Variants in NCOA6 observed in about 807,000 individuals in gnomAD.
NCOA6 encodes the protein NRC RAP250.
In NCOA6, 49 loss-of-function variants were observed where a neutral mutation model predicts 171.4. That is an observed-to-expected ratio of 0.29 (90% confidence interval 0.23 to 0.36). NCOA6 has a LOEUF of 0.36. Ranked by LOEUF, NCOA6 falls within the 10% of genes least tolerant of loss-of-function variation. NCOA6 has a pLI of 1.00. For missense variants in NCOA6, 2,248 were observed against 2,554.5 expected, an observed-to-expected ratio of 0.88 and a Z score of 2.59; for synonymous variants, 910 against 927.5, an observed-to-expected ratio of 0.98 and a Z score of 0.34.
At chr20:34,740,322 A>G (rs1258830263) in intron 11 of NCOA6, 41 bp downstream of exon 11, 4 of 1,574,536 alleles carry the variant, frequency 2.5e-6, no homozygotes. Flanking sequence ...TAGGTCATCA[A>G]AAAACTGACA....
chr20:34,740,339 G>A, intron 11 of NCOA6, 24 bp downstream of exon 11: 1 of 1,591,674 alleles, frequency 6.3e-7, no homozygotes, highest in Non-Finnish European at 8.6e-7. Flanking sequence ...GACACAAAGA[G>A]ATGATGAAGC....
intron 1 of NCOA6, among the ~76,000 whole-genome samples, chr20:34,825,046 C>T (rs1280721216): frequency 2.0e-5 from 3 of 152,156 alleles, no homozygotes; most frequent in African/African-American, 7.2e-5. Context: ...AGCCCATAGA[C>T]CCCAATCCCG....
intron 14 of NCOA6, among the ~76,000 whole-genome samples, chr20:34,722,168 G>A (rs1475886555): frequency 6.6e-6 from 1 of 151,000 alleles, no homozygotes; most frequent in African/African-American, 2.4e-5. Flanking sequence ...ATCATTTGAG[G>A]TTAGGAGTTC....
intron 5 of NCOA6, among the ~76,000 whole-genome samples, chr20:34,762,942 A>G (rs1037111912): frequency 6.6e-6 from 1 of 152,178 alleles, no homozygotes; most frequent in African/African-American, 2.4e-5. Context: ...AATTATTCCA[A>G]TGCTTCCTGG....
Position 34,741,262 on chromosome 20 carries a change from G to C in NCOA6, c.4994C>G (p.Ser1665Ter). Residue 1665 changes from serine to a stop codon, truncating the protein, a stop_gained, in exon 11 of 15, where the codon TCA becomes TGA. Coordinates refer to ENST00000359003, the MANE Select transcript of NCOA6 (RefSeq NM_014071.5). LOFTEE classifies it high-confidence loss of function. Reference sequence around the variant, plus strand: ...TGATCCTTTCATAACCTGAATTATTGAGGATGAATTGATAAAGACAGGTGT... The same window carrying C: ...TGATCCTTTCATAACCTGAATTATTCAGGATGAATTGATAAAGACAGGTGT... ...FITPVFINSS[S>*]IIQVMKGSQP... 1 of 1,614,230 alleles carries C rather than the reference G, an allele frequency of 6.2e-7. No individual in the cohort carries two copies. The highest frequency in any genetic ancestry group is 8.5e-7 in the Non-Finnish European group (1 of 1,180,044).
Position 34,782,165 on chromosome 20 carries a change from T to G in NCOA6, c.191A>C (p.Lys64Thr). ...GNIDDKDFKWKLDAILKNVPN... is the reference protein window; with the variant it reads ...GNIDDKDFKWTLDAILKNVPN... Reference sequence around the variant, plus strand: ...CACGTTTTTCAATATTGCATCTAATTTCCATTTGAAGTCTTTATCATCTAT... The same window carrying G: ...CACGTTTTTCAATATTGCATCTAATGTCCATTTGAAGTCTTTATCATCTAT... Residue 64 changes from lysine to threonine, a missense_variant, in exon 3 of 15, where the codon AAA (lysine) becomes ACA (threonine). Physicochemically the swap from Lys to Thr is moderately conservative, Grantham distance 78. Transcript: ENST00000359003. The G allele has an allele frequency of 6.2e-7, 1 of 1,609,368 alleles. No individual in the cohort carries two copies. Among genetic ancestry groups the G allele is most frequent in the Non-Finnish European group, 8.5e-7 (1 of 1,177,856 alleles).
chr20:34,782,112 G>C lies in NCOA6; in HGVS notation c.235+9C>G, dbSNP rs1240372155. The C allele has an allele frequency of 7.9e-6, 12 of 1,524,224 alleles. No individual in the cohort carries two copies. Among genetic ancestry groups the C allele is most frequent in the Non-Finnish European group, 1.1e-5 (12 of 1,117,060 alleles). The allele number at this position is 1,524,224 out of a possible 1,614,324, so 94.4% of individuals were successfully genotyped here. ...GTAACAGGAAGAAAAAATAATTAAA[G>C]CAAATTACCCATGTGTAACAAATTG... is the stretch of plus-strand genomic sequence containing the variant. On this transcript the variant is annotated intron_variant, in intron 3 of 14. Transcript: ENST00000359003.
chr20:34,810,129 T>C (rs2078604274), intron 1 of NCOA6, among the ~76,000 whole-genome samples: 1 of 152,228 alleles, frequency 6.6e-6, no homozygotes, highest in African/African-American at 2.4e-5. Context: ...AACCTTATAA[T>C]TTGTGTGCTT....
chr20:34,813,162 A>G (rs1287875492), intron 1 of NCOA6, among the ~76,000 whole-genome samples: 32 of 142,926 alleles, frequency 2.2e-4, no homozygotes, highest in African/African-American at 6.4e-4. Context: ...ACTGTCTCAG[A>G]AAAAAAAAAA....
intron 1 of NCOA6, among the ~76,000 whole-genome samples, chr20:34,823,797 G>GCATC (rs2079076144): frequency 6.6e-6 from 1 of 152,042 alleles, no homozygotes; most frequent in Non-Finnish European, 1.5e-5. Context: ...TGACCTCCCA[G>GCATC]GCTCAAGCGA....
chr20:34,749,746 T>C lies in NCOA6; in HGVS notation c.2449A>G (p.Met817Val), dbSNP rs2076411537. The C allele has an allele frequency of 6.2e-7, 1 of 1,614,234 alleles. No individual in the cohort carries two copies. Residue 817 changes from methionine (M) to valine (V), a missense_variant, in exon 9 of 15, where the codon ATG becomes GTG. By Grantham distance (21) the Met-to-Val change is conservative (BLOSUM62 1). Coordinates refer to ENST00000359003, the MANE Select transcript of NCOA6 (RefSeq NM_014071.5). ...TGTTGAATGCTAACATCAGGCATCA[T>C]CTGAGATAAACTGACATCGTTATTT... ...TANNDVSLSQ[M>V]MPDVSIQQTN...
Position 34,749,440 on chromosome 20 carries a change from G to T in NCOA6, c.2755C>A (p.Pro919Thr). The change falls in exon 9 of 15, where the codon CCC becomes ACC. Residue 919 changes from proline to threonine, a missense_variant. Transcript: ENST00000359003. The part of the protein sequence containing the change: ...TNANKPKKKK[P>T]PRKKKNSQQD... ...TGACTATTTTTCTTCTTCCGAGGGG[G>T]TTTCTTCTTCTTCGGTTTATTTGCG... The T allele has an allele frequency of 6.2e-7, 1 of 1,612,152 alleles. No homozygotes were observed. The highest frequency in any genetic ancestry group is 8.5e-7 in the Non-Finnish European group (1 of 1,178,844).
rs370770427 is a variant in NCOA6, at chr20:34,718,764, C to G, written c.6149-3399G>C. ...CAACTGATCTGCCCGCCTCAGCCTC[C>G]CAGAACGTTAGGATTACAGAAGTGA... On this transcript the variant is annotated intron_variant, in intron 14 of 14. Transcript: ENST00000359003. Among the ~76,000 whole-genome samples, 8 of 152,244 alleles carry G rather than the reference C, an allele frequency of 5.3e-5. No homozygotes were observed. The East Asian group carries it at 1.5e-3, about 29-fold the overall frequency.
chr20:34,754,166 T>C (rs115894758), intron 8 of NCOA6, among the ~76,000 whole-genome samples: 4,415 of 152,320 alleles, frequency 0.029, 227 homozygotes, highest in African/African-American at 0.1. Context: ...GCTTAACATG[T>C]ACCACGTAGA....
chr20:34,802,048 AG>A (rs1284573969), intron 1 of NCOA6, among the ~76,000 whole-genome samples: 2 of 152,258 alleles, frequency 1.3e-5, no homozygotes, highest in African/African-American at 4.8e-5. Flanking sequence ...TCATTCTACA[AG>A]GCCAATATTA....
At chr20:34,771,733 G>A (rs1015937204) in intron 4 of NCOA6, among the ~76,000 whole-genome samples, 9 of 152,112 alleles carry the variant, frequency 5.9e-5, no homozygotes, top group Admixed American at 4.6e-4. Context: ...TTGCTCATGC[G>A]GTTTCCTCTG....
chr20:34,740,586 G>C lies in NCOA6; in HGVS notation c.5670C>G (p.Thr1890=). 3.7e-6 allele frequency: 6 copies of C among 1,614,182 alleles called. No homozygotes were observed. Among genetic ancestry groups the C allele is most frequent in the Non-Finnish European group, 5.1e-6 (6 of 1,180,040 alleles). ...CAGTGCCCGGGCCCACAGGGCTAGA[G>C]GTCATTTTTAGCAGAGTGGGTGCTG... ...TPPAPTLLKM[T]SSPVGPGTAS... Residue 1890 remains threonine (T), a synonymous_variant, in exon 11 of 15, where the codon ACC becomes ACG. Coordinates refer to ENST00000359003, the MANE Select transcript of NCOA6 (RefSeq NM_014071.5).
At chr20:34,721,965 G>A (rs1989396092) in intron 14 of NCOA6, among the ~76,000 whole-genome samples, 1 of 149,584 alleles carries the variant, frequency 6.7e-6, no homozygotes. Flanking sequence ...TAAGGCAGGA[G>A]GCTTGCTTGA....
At chr20:34,780,559 G>A (rs1043285687) in intron 3 of NCOA6, among the ~76,000 whole-genome samples, 4 of 151,924 alleles carry the variant, frequency 2.6e-5, no homozygotes, top group Admixed American at 6.6e-5. Flanking sequence ...CATGTTGGCC[G>A]GGCTTGTCTC....
Sources: allele counts gnomAD v4.1 joint callset (sites outside exome capture counted in the v4.1 genomes callset), GRCh38; gene constraint gnomAD v4.1.1; transcripts MANE v1.5; gene names NCBI Gene and HGNC (gene_info 2026-07-23, HGNC 2026-07-21).